HSD17B2: variants seen among roughly 807,000 people sequenced by gnomAD.
The protein encoded by HSD17B2 is hydroxysteroid 17-beta dehydrogenase 2.
A neutral mutation model predicts 26.9 loss-of-function variants in HSD17B2; 32 were observed. The ratio of observed to expected loss-of-function variants is 1.19; its 90% confidence interval spans 0.90 to 1.60. HSD17B2 has a LOEUF of 1.60. Ranked by LOEUF, HSD17B2 falls within the 40% of genes most tolerant of loss-of-function variation. The pLI is 0.00. For synonymous variants in HSD17B2, 246 were observed against 186.7 expected (o/e 1.32, Z -2.59); for missense variants, 613 against 468.6 (o/e 1.31, Z -2.85).
intron 3 of HSD17B2, among the ~76,000 whole-genome samples, chr16:82,074,186 C>T (rs548152522): frequency 1.0e-3 from 159 of 152,240 alleles, no homozygotes; most frequent in Non-Finnish European, 1.8e-3. Flanking sequence ...CTTCTTTCTG[C>T]CCTAGTCTTT....
At chr16:82,070,741 A>T in intron 2 of HSD17B2, 1 of 589,586 alleles carries the variant, frequency 1.7e-6, no homozygotes, top group African/African-American at 1.9e-5. Flanking sequence ...ATCTCTGCAC[A>T]TCTAGCTTCC....
chr16:82,070,576 G>A (rs8191168), intron 2 of HSD17B2, among the ~76,000 whole-genome samples: 2 of 152,230 alleles, frequency 1.3e-5, no homozygotes, highest in African/African-American at 4.8e-5. Context: ...TCAGTGGTTT[G>A]TTGGTTCCCT....
chr16:82,065,569 C>T (rs1914551917), intron 1 of HSD17B2, among the ~76,000 whole-genome samples: 1 of 152,188 alleles, frequency 6.6e-6, no homozygotes, highest in Admixed American at 6.5e-5. Context: ...GTCCACGAAA[C>T]ACTTGGTCTC....
intron 3 of HSD17B2, among the ~76,000 whole-genome samples, chr16:82,081,560 C>T (rs1189904280): frequency 2.0e-5 from 3 of 152,054 alleles, no homozygotes; most frequent in Non-Finnish European, 4.4e-5. Context: ...CCACTTTTGT[C>T]CCTGTAAAGT....
chr16:82,068,151 C>A lies in HSD17B2; in HGVS notation c.266-19C>A, dbSNP rs373618526. On this transcript the variant is annotated intron_variant, in intron 1 of 4. Coordinates refer to ENST00000199936, the MANE Select transcript of HSD17B2 (RefSeq NM_002153.3). ...CACTCTGGTTTGACCTCACTCCCTACTCCCCTGACCCTATGCAGGTGGTGA... is the reference window on the plus strand; with the variant it reads ...CACTCTGGTTTGACCTCACTCCCTAATCCCCTGACCCTATGCAGGTGGTGA... 5.6e-6 allele frequency: 9 copies of A among 1,610,148 alleles called. No homozygotes were observed. The African/African-American group carries it at 1.1e-4, about 19-fold the overall frequency.
chr16:82,086,528 GC>G (rs1281599326), intron 3 of HSD17B2, among the ~76,000 whole-genome samples: 1 of 152,150 alleles, frequency 6.6e-6, no homozygotes, highest in Non-Finnish European at 1.5e-5. Context: ...TTATTCCCCT[GC>G]CAGGTAAGGG....
intron 1 of HSD17B2, among the ~76,000 whole-genome samples, chr16:82,045,121 CAAAAAAAAAAAA>C (rs10565056): frequency 2.5e-3 from 105 of 42,806 alleles, no homozygotes; most frequent in Middle Eastern, 0.014. Flanking sequence ...AAACTCTGTC[CAAAAAAAAAAAA>C]AAAAAAAAAA....
intron 3 of HSD17B2, among the ~76,000 whole-genome samples, chr16:82,082,189 G>C (rs1712009919): frequency 1.3e-5 from 2 of 152,024 alleles, no homozygotes; most frequent in Non-Finnish European, 2.9e-5. Flanking sequence ...GTGCCCACTG[G>C]CCACTTCTTA....
intron 3 of HSD17B2, chr16:82,090,177 G>T: frequency 1.0e-6 from 1 of 968,022 alleles, no homozygotes; most frequent in African/African-American, 1.8e-5. Context: ...GCTGTAGTGG[G>T]TTGAATAGTG....
At chr16:82,050,880 A>C (rs1165642465) in intron 1 of HSD17B2, among the ~76,000 whole-genome samples, 3 of 152,150 alleles carry the variant, frequency 2.0e-5, no homozygotes, top group Admixed American at 6.5e-5. Flanking sequence ...TTGTCGTTGG[A>C]ACTTTTCTGT....
intron 1 of HSD17B2, among the ~76,000 whole-genome samples, chr16:82,053,527 TG>T (rs1169374102): frequency 6.6e-6 from 1 of 152,142 alleles, no homozygotes; most frequent in Non-Finnish European, 1.5e-5. Context: ...TTAGCAGGAT[TG>T]GGGAAAGTTC....
chr16:82,038,183 T>C (rs1913669814), intron 1 of HSD17B2, among the ~76,000 whole-genome samples: 1 of 152,200 alleles, frequency 6.6e-6, no homozygotes, highest in African/African-American at 2.4e-5. Context: ...CTTTATTTCA[T>C]TTTGCTAAGA....
chr16:82,052,720 T>C (rs1914144278), intron 1 of HSD17B2, among the ~76,000 whole-genome samples: 1 of 152,218 alleles, frequency 6.6e-6, no homozygotes, highest in African/African-American at 2.4e-5. Context: ...TTCTCTTAGC[T>C]TGGGCAGTGT....
At chr16:82,043,467 G>A (rs1340099803) in intron 1 of HSD17B2, among the ~76,000 whole-genome samples, 2 of 123,864 alleles carry the variant, frequency 1.6e-5, no homozygotes, top group South Asian at 2.1e-4. Context: ...GGCGGATCAC[G>A]AGGTCAGGAG....
At chr16:82,065,986 G>C (rs1022829723) in intron 1 of HSD17B2, among the ~76,000 whole-genome samples, 2 of 152,198 alleles carry the variant, frequency 1.3e-5, no homozygotes, top group African/African-American at 4.8e-5. Flanking sequence ...TCTGCAGTCT[G>C]GTGAACTTGC....
chr16:82,090,157 G>A (rs963979523), intron 3 of HSD17B2: 4 of 895,620 alleles, frequency 4.5e-6, no homozygotes, highest in South Asian at 5.1e-5. Flanking sequence ...CAATCTGTTC[G>A]ATTACAGGTG....
chr16:82,064,396 T>C (rs900676210), intron 1 of HSD17B2, among the ~76,000 whole-genome samples: 8 of 152,228 alleles, frequency 5.3e-5, no homozygotes, highest in African/African-American at 1.7e-4. Context: ...ATATTTTTTA[T>C]CCATTCATTA....
chr16:82,051,909 C>T (rs1024613431), intron 1 of HSD17B2, among the ~76,000 whole-genome samples: 4 of 152,142 alleles, frequency 2.6e-5, no homozygotes, highest in African/African-American at 9.7e-5. Flanking sequence ...GTAATCTTCC[C>T]TGCTCTCTCC....
At chr16:82,044,919 A>T (rs543364104) in intron 1 of HSD17B2, among the ~76,000 whole-genome samples, 1 of 152,224 alleles carries the variant, frequency 6.6e-6, no homozygotes, top group African/African-American at 2.4e-5. Flanking sequence ...GGAGTTCGAG[A>T]CCAGCCTGGC....
Sources: allele counts gnomAD v4.1 joint callset (sites outside exome capture counted in the v4.1 genomes callset), GRCh38; gene constraint gnomAD v4.1.1; transcripts MANE v1.5; gene names NCBI Gene and HGNC (gene_info 2026-07-23, HGNC 2026-07-21).